ADAMTS12: variants seen among roughly 807,000 people sequenced by gnomAD.
The protein encoded by ADAMTS12 is A disintegrin and metalloproteinase with thrombospondin motifs 12.
In ADAMTS12, 118 loss-of-function variants were observed where a neutral mutation model predicts 167.8. The ratio of observed to expected loss-of-function variants is 0.70; its 90% CI spans 0.61 to 0.82. ADAMTS12 has a LOEUF of 0.82. Among genes scored for constraint, ADAMTS12 ranks in the 40% least tolerant of loss-of-function variants. The pLI is 0.00. For synonymous variants in ADAMTS12, 704 were observed against 716.9 expected (o/e 0.98, Z 0.29); for missense variants, 1,916 against 1,998.8 (o/e 0.96, Z 0.79).
At chr5:33,861,688 T>C (rs1749620922) in intron 2 of ADAMTS12, among the ~76,000 whole-genome samples, 1 of 152,204 alleles carries the variant, frequency 6.6e-6, no homozygotes, top group Non-Finnish European at 1.5e-5. Context: ...CTAATATACA[T>C]CTACAGAACT....
At chr5:33,654,640 G>A (rs1740978589) in intron 7 of ADAMTS12, among the ~76,000 whole-genome samples, 1 of 152,120 alleles carries the variant, frequency 6.6e-6, no homozygotes, top group African/African-American at 2.4e-5. Flanking sequence ...GTCCCTAACT[G>A]GTCTTTTTGA....
At chr5:33,545,327 G>T (rs1485876683) in intron 22 of ADAMTS12, among the ~76,000 whole-genome samples, 1 of 152,188 alleles carries the variant, frequency 6.6e-6, no homozygotes, top group Non-Finnish European at 1.5e-5. Flanking sequence ...TCTCATGCCA[G>T]TTAGAATGGT....
intron 3 of ADAMTS12, among the ~76,000 whole-genome samples, chr5:33,716,136 G>A (rs1402771516): frequency 2.0e-5 from 3 of 152,002 alleles, no homozygotes; most frequent in Non-Finnish European, 4.4e-5. Context: ...AGGAATGTGG[G>A]GCCCTCGTAA....
intron 2 of ADAMTS12, among the ~76,000 whole-genome samples, chr5:33,813,741 A>G (rs1029005969): frequency 6.6e-5 from 10 of 152,174 alleles, no homozygotes; most frequent in Non-Finnish European, 1.5e-4. Flanking sequence ...GCCAGCACCA[A>G]TTTGTGGGCC....
intron 9 of ADAMTS12, among the ~76,000 whole-genome samples, chr5:33,643,791 G>C (rs2112177916): frequency 6.6e-6 from 1 of 152,316 alleles, no homozygotes; most frequent in East Asian, 1.9e-4. Flanking sequence ...AAAGGTAACT[G>C]GTGATCATCT....
At chr5:33,825,308 T>C (rs1276255091) in intron 2 of ADAMTS12, among the ~76,000 whole-genome samples, 1 of 152,186 alleles carries the variant, frequency 6.6e-6, no homozygotes, top group Non-Finnish European at 1.5e-5. Context: ...TTCCTGACCA[T>C]ATCCAAGAAC....
intron 19 of ADAMTS12, among the ~76,000 whole-genome samples, chr5:33,570,783 T>TA (rs1368071344): frequency 6.6e-6 from 1 of 150,464 alleles, no homozygotes; most frequent in African/African-American, 2.4e-5. Context: ...AATGCTCCAA[T>TA]TAAAAGACAC....
intron 2 of ADAMTS12, among the ~76,000 whole-genome samples, chr5:33,849,319 C>CAATATATATATGTATTGCATAGCTA (rs774623102): frequency 1.1e-5 from 1 of 86,988 alleles, no homozygotes; most frequent in African/African-American, 4.6e-5. Context: ...TATTGCATAG[C>CAATATATATATGTATTGCATAGCTA]TATATATATA....
chr5:33,805,477 T>A (rs1031682471), intron 2 of ADAMTS12, among the ~76,000 whole-genome samples: 4 of 152,208 alleles, frequency 2.6e-5, no homozygotes, highest in African/African-American at 9.6e-5. Context: ...GGCTTACTCC[T>A]TAATCAGATC....
At chr5:33,829,231 G>A (rs1388997071) in intron 2 of ADAMTS12, among the ~76,000 whole-genome samples, 1 of 152,154 alleles carries the variant, frequency 6.6e-6, no homozygotes, top group East Asian at 1.9e-4. Flanking sequence ...TGGCGTTCCT[G>A]AATGTAACAT....
intron 2 of ADAMTS12, among the ~76,000 whole-genome samples, chr5:33,829,624 C>G (rs1456412027): frequency 6.6e-6 from 1 of 152,272 alleles, no homozygotes; most frequent in Admixed American, 6.5e-5. Context: ...CCTTCTTCAA[C>G]CCCCTTGGGT....
chr5:33,529,571 A>G (rs1436259757), intron 23 of ADAMTS12, among the ~76,000 whole-genome samples: 1 of 152,178 alleles, frequency 6.6e-6, no homozygotes, highest in East Asian at 1.9e-4. Context: ...AATGGAAATA[A>G]TAGCCTCTCC....
chr5:33,529,240 A>G (rs1464700660), intron 23 of ADAMTS12, among the ~76,000 whole-genome samples: 1 of 152,160 alleles, frequency 6.6e-6, no homozygotes, highest in African/African-American at 2.4e-5. Flanking sequence ...GCTCTGGGAA[A>G]GTGTGTCCTT....
chr5:33,751,294 A>AG (rs397827660), intron 3 of ADAMTS12, 110 bp downstream of exon 3: 124 of 1,354,160 alleles, frequency 9.2e-5, no homozygotes, highest in Non-Finnish European at 1.2e-4. Context: ...TAAAAAAAAA[A>AG]GAATACAGAG....
chr5:33,671,295 T>C (rs948323549), intron 5 of ADAMTS12, among the ~76,000 whole-genome samples: 1 of 152,132 alleles, frequency 6.6e-6, no homozygotes, highest in Admixed American at 6.5e-5. Flanking sequence ...GAACTAAATG[T>C]ATACACACAT....
At chr5:33,674,358 G>C (rs1333922592) in intron 5 of ADAMTS12, among the ~76,000 whole-genome samples, 4 of 152,182 alleles carry the variant, frequency 2.6e-5, no homozygotes, top group Non-Finnish European at 5.9e-5. Flanking sequence ...ACTGCTAGTA[G>C]AAGATTCTAC....
chr5:33,728,329 C>G (rs114176646), intron 3 of ADAMTS12, among the ~76,000 whole-genome samples: 1 of 152,172 alleles, frequency 6.6e-6, no homozygotes, highest in Non-Finnish European at 1.5e-5. Flanking sequence ...GCATTGGACA[C>G]GAAAGGGATG....
rs761801651 is a variant in ADAMTS12 at position 33,751,481 on chromosome 5, T to A, written c.557A>T (p.Glu186Val). The A allele has an allele frequency of 6.2e-7, 1 of 1,614,138 alleles. No individual in the cohort carries two copies. The highest frequency in any genetic ancestry group is 8.5e-7 in the Non-Finnish European group (1 of 1,180,020). Residue 186 changes from glutamate (E) to valine (V), a missense_variant, in exon 3 of 24, where the codon GAG (glutamate) becomes GTG (valine). Coordinates refer to ENST00000504830, the MANE Select transcript of ADAMTS12 (RefSeq NM_030955.4). Reference sequence around the variant, plus strand: ...AACGATGTGCGGGTGGTACCCTCCCTCAACCAGTGGATGCTTCTTCACGGG... The same window carrying A: ...AACGATGTGCGGGTGGTACCCTCCCACAACCAGTGGATGCTTCTTCACGGG... ...IEPVKKHPLV[E>V]GGYHPHIVYR...
At chr5:33,760,098 A>G (rs1479858954) in intron 2 of ADAMTS12, among the ~76,000 whole-genome samples, 1 of 152,192 alleles carries the variant, frequency 6.6e-6, no homozygotes, top group Non-Finnish European at 1.5e-5. Context: ...TTTCTGTTAT[A>G]GATAATCCAT....
Sources: gnomAD v4.1 joint callset for allele counts (sites outside exome capture counted in the v4.1 genomes callset) on GRCh38, gnomAD v4.1.1 for gene constraint, MANE v1.5 for transcripts, NCBI Gene and HGNC (gene_info 2026-07-23, HGNC 2026-07-21) for gene names.